The following CSMD3 variants were observed in gnomAD, a reference collection of about 807,000 sequenced individuals.
CSMD3 encodes the protein CUB and Sushi multiple domains 3.
CSMD3 carries 177 observed loss-of-function variants against 435.2 expected under a neutral mutation model. The observed-to-expected ratio is 0.41, with a 90% CI of 0.36 to 0.46. CSMD3 has a LOEUF of 0.46. Among genes scored for constraint, CSMD3 ranks in the 20% least tolerant of loss-of-function variants. CSMD3 has a pLI of 0.34. For synonymous variants in CSMD3, 1,656 were observed against 1,520.5 expected (o/e 1.09, Z -2.07); for missense variants, 4,265 against 4,504.6 (o/e 0.95, Z 1.52).
intron 27 of CSMD3, among the ~76,000 whole-genome samples, chr8:112,544,557 CTAAA>C (rs1488490271): frequency 6.6e-6 from 1 of 152,154 alleles, no homozygotes; most frequent in Non-Finnish European, 1.5e-5. Context: ...TATCACTTAT[CTAAA>C]TAAGTTTTAT....
At chr8:112,922,978 T>G (rs2082793193) in intron 9 of CSMD3, among the ~76,000 whole-genome samples, 1 of 152,262 alleles carries the variant, frequency 6.6e-6, no homozygotes, top group East Asian at 1.9e-4. Context: ...TTCTTCAAGT[T>G]GCTAAGGCCA....
At chr8:112,454,755 C>T (rs1456605221) in intron 32 of CSMD3, among the ~76,000 whole-genome samples, 1 of 151,974 alleles carries the variant, frequency 6.6e-6, no homozygotes, top group Admixed American at 6.6e-5. Context: ...CTTTGGGAGG[C>T]CAAGGCAGGA....
intron 3 of CSMD3, among the ~76,000 whole-genome samples, chr8:113,205,776 A>G (rs2092764238): frequency 6.6e-6 from 1 of 152,200 alleles, no homozygotes; most frequent in African/African-American, 2.4e-5. Context: ...ACATACATTA[A>G]TTTAGGAAAG....
At chr8:112,917,658 T>G (rs978268513) in intron 10 of CSMD3, among the ~76,000 whole-genome samples, 1 of 151,914 alleles carries the variant, frequency 6.6e-6, no homozygotes, top group Non-Finnish European at 1.5e-5. Flanking sequence ...GATTAATCTG[T>G]CAGTAACAGG....
intron 4 of CSMD3, among the ~76,000 whole-genome samples, chr8:113,114,592 G>T (rs1480040289): frequency 6.6e-6 from 1 of 152,136 alleles, no homozygotes; most frequent in East Asian, 1.9e-4. Flanking sequence ...TAGCTATTAT[G>T]CATGGGTTAG....
chr8:113,000,498 A>T (rs2085823040), intron 6 of CSMD3, among the ~76,000 whole-genome samples: 2 of 152,090 alleles, frequency 1.3e-5, no homozygotes, highest in African/African-American at 4.8e-5. Flanking sequence ...ATGTGATGTA[A>T]TGCACATGTA....
chr8:112,712,672 T>C (rs13278522), intron 13 of CSMD3, among the ~76,000 whole-genome samples: 1 of 152,146 alleles, frequency 6.6e-6, no homozygotes, highest in Non-Finnish European at 1.5e-5. Context: ...TTGTGCCTTG[T>C]AGTCTTTTAA....
At chr8:112,744,062 T>C (rs1425405602) in intron 13 of CSMD3, among the ~76,000 whole-genome samples, 1 of 152,012 alleles carries the variant, frequency 6.6e-6, no homozygotes, top group Non-Finnish European at 1.5e-5. Context: ...GGTTGTCATA[T>C]AAAAAAAGAC....
chr8:112,906,403 T>C (rs2130491559), intron 10 of CSMD3, among the ~76,000 whole-genome samples: 1 of 151,244 alleles, frequency 6.6e-6, no homozygotes, highest in South Asian at 2.1e-4. Flanking sequence ...TTCATGAAAT[T>C]AAACCTCTAT....
intron 35 of CSMD3, among the ~76,000 whole-genome samples, chr8:112,402,226 C>T (rs1356947331): frequency 1.3e-5 from 2 of 152,166 alleles, no homozygotes; most frequent in African/African-American, 4.8e-5. Context: ...TTGTAACTCA[C>T]TTCAATTCAG....
At chr8:113,429,985 A>G (rs117814803) in intron 1 of CSMD3, among the ~76,000 whole-genome samples, 4,974 of 152,316 alleles carry the variant, frequency 0.033, 98 homozygotes, top group Middle Eastern at 0.048. Context: ...AAAGAAATCA[A>G]TATCAGAATG....
chr8:112,316,674 T>C (rs1822502321), intron 47 of CSMD3, among the ~76,000 whole-genome samples: 1 of 151,880 alleles, frequency 6.6e-6, no homozygotes, highest in Admixed American at 6.6e-5. Context: ...GTATACTTTT[T>C]ATCCCCATTG....
chr8:112,395,994 G>A (rs541413707), intron 35 of CSMD3, among the ~76,000 whole-genome samples: 2 of 152,214 alleles, frequency 1.3e-5, no homozygotes, highest in African/African-American at 4.8e-5. Flanking sequence ...GGTTGTTAAA[G>A]TTTGTGAATC....
In CSMD3 at chr8:112,404,684, A is replaced by G. The variant is rs74504216; in HGVS notation, c.5809+1840T>C. The stretch of plus-strand genomic sequence containing the variant: ...CTGACATGTGAACAAATGTATTTTA[A>G]AAAGGTAAAAATAAGAATGGCAAAT... On this transcript the variant is annotated intron_variant, in intron 35 of 70. Coordinates refer to ENST00000297405, the MANE Select transcript of CSMD3 (RefSeq NM_198123.2). Among the ~76,000 whole-genome samples, 235 of 152,222 alleles carry G rather than the reference A, an allele frequency of 1.5e-3. 4 individuals are homozygous for G. The East Asian group carries it at 0.041, about 27-fold the overall frequency.
At chr8:112,431,156 C>T (rs1362716474) in intron 32 of CSMD3, among the ~76,000 whole-genome samples, 1 of 152,020 alleles carries the variant, frequency 6.6e-6, no homozygotes, top group Non-Finnish European at 1.5e-5. Flanking sequence ...CTGAAAGAAG[C>T]TTAAACTACC....
chr8:113,273,340 G>T (rs1415816726), intron 3 of CSMD3, among the ~76,000 whole-genome samples: 2 of 151,092 alleles, frequency 1.3e-5, no homozygotes, highest in East Asian at 3.9e-4. Flanking sequence ...TGTACTATAG[G>T]GTCCCCTTGT....
chr8:112,527,594 C>G (rs1017590001), intron 27 of CSMD3, among the ~76,000 whole-genome samples: 5 of 151,546 alleles, frequency 3.3e-5, no homozygotes, highest in Non-Finnish European at 5.9e-5. Context: ...ACTTCAAAAA[C>G]AATGGTAATA....
intron 10 of CSMD3, among the ~76,000 whole-genome samples, chr8:112,904,893 T>C (rs2082214165): frequency 6.6e-6 from 1 of 151,390 alleles, no homozygotes; most frequent in African/African-American, 2.4e-5. Context: ...AAGTAGACAC[T>C]GATGTTGATG....
intron 23 of CSMD3, among the ~76,000 whole-genome samples, chr8:112,577,878 T>C (rs1830061967): frequency 1.3e-5 from 2 of 152,084 alleles, no homozygotes; most frequent in South Asian, 4.1e-4. Context: ...ATTTATCTAA[T>C]GAATTAGCAA....
Sources: allele counts gnomAD v4.1 joint callset (sites outside exome capture counted in the v4.1 genomes callset), GRCh38; gene constraint gnomAD v4.1.1; transcripts MANE v1.5; gene names NCBI Gene and HGNC (gene_info 2026-07-23, HGNC 2026-07-21).